LARGE1: variants seen among roughly 807,000 people sequenced by gnomAD.
LARGE1 encodes the protein LARGE xylosyl- and glucuronyltransferase 1, also known as xylosyl- and glucuronyltransferase LARGE1.
LARGE1 carries 43 observed loss-of-function variants against 87.6 expected under a neutral mutation model. The ratio of observed to expected loss-of-function variants is 0.49; its 90% CI spans 0.38 to 0.63. The LOEUF is 0.63. Among genes scored for constraint, LARGE1 ranks in the 30% least tolerant of loss-of-function variants. The pLI, the probability that LARGE1 is intolerant of heterozygous loss-of-function variation, is 0.00. For missense variants in LARGE1, 802 were observed against 1,000.2 expected (o/e 0.80, Z 2.67); for synonymous variants, 434 against 394.6 (o/e 1.10, Z -1.18).
intron 7 of LARGE1, among the ~76,000 whole-genome samples, chr22:33,387,138 A>G (rs188472101): frequency 1.8e-4 from 27 of 146,088 alleles, no homozygotes; most frequent in African/African-American, 5.6e-4. Flanking sequence ...AAACAAAAAA[A>G]GGGCGGGCAG....
intron 5 of LARGE1, among the ~76,000 whole-genome samples, chr22:33,600,200 T>C (rs764280605): frequency 1.3e-5 from 2 of 152,188 alleles, no homozygotes; most frequent in African/African-American, 2.4e-5. Context: ...TCTAAATTCA[T>C]TGTGTATCAG....
chr22:33,653,109 T>C (rs543997669), intron 2 of LARGE1, among the ~76,000 whole-genome samples: 37 of 152,282 alleles, frequency 2.4e-4, no homozygotes, highest in Non-Finnish European at 5.3e-4. Flanking sequence ...TCAACCAACA[T>C]CGACCCTTTG....
At chr22:33,302,727 C>T (rs893517439) in intron 12 of LARGE1, among the ~76,000 whole-genome samples, 13 of 152,082 alleles carry the variant, frequency 8.5e-5, no homozygotes, top group African/African-American at 1.9e-4. Flanking sequence ...GCCTGGTTTG[C>T]GACAAACAGA....
At chr22:33,202,877 A>G (rs1292160569) in intron 11 of LARGE1, among the ~76,000 whole-genome samples, 1 of 152,218 alleles carries the variant, frequency 6.6e-6, no homozygotes, top group Non-Finnish European at 1.5e-5. Flanking sequence ...AAAAGTTAGC[A>G]TGGATGGAAG....
At chr22:33,616,715 A>G (rs2079592876) in intron 4 of LARGE1, among the ~76,000 whole-genome samples, 1 of 152,204 alleles carries the variant, frequency 6.6e-6, no homozygotes, top group South Asian at 2.1e-4. Context: ...AGCCAGTCCA[A>G]AAGACTAAAT....
At chr22:33,569,047 C>T (rs561497345) in intron 5 of LARGE1, among the ~76,000 whole-genome samples, 18 of 152,130 alleles carry the variant, frequency 1.2e-4, no homozygotes, top group Non-Finnish European at 2.4e-4. Flanking sequence ...CGTTAAGATC[C>T]GAGGACTCAG....
chr22:33,832,581 G>A (rs565964478), intron 1 of LARGE1, among the ~76,000 whole-genome samples: 2 of 152,208 alleles, frequency 1.3e-5, no homozygotes, highest in Non-Finnish European at 2.9e-5. Flanking sequence ...TGGAAGTCAG[G>A]AAGGGTCGAT....
At chr22:33,355,538 A>C (rs1463324808) in intron 9 of LARGE1, among the ~76,000 whole-genome samples, 1 of 152,100 alleles carries the variant, frequency 6.6e-6, no homozygotes, top group Non-Finnish European at 1.5e-5. Context: ...GGAAAATTAA[A>C]CCTTTGTCTC....
intron 12 of LARGE1, among the ~76,000 whole-genome samples, chr22:33,301,445 C>T (rs1337453697): frequency 1.3e-5 from 2 of 152,082 alleles, no homozygotes; most frequent in Non-Finnish European, 2.9e-5. Flanking sequence ...TCCAAATCAT[C>T]ATCTAAAAAC....
intron 1 of LARGE1, among the ~76,000 whole-genome samples, chr22:33,837,052 T>A (rs1035952825): frequency 6.6e-6 from 1 of 152,164 alleles, no homozygotes; most frequent in Non-Finnish European, 1.5e-5. Context: ...GGGACCTCCA[T>A]GTGGGAGAGT....
At chr22:33,432,435 T>C (rs1231561875) in intron 6 of LARGE1, among the ~76,000 whole-genome samples, 170 bp from the exon 7 acceptor site, 2 of 152,206 alleles carry the variant, frequency 1.3e-5, no homozygotes, top group East Asian at 3.8e-4. Flanking sequence ...TGCATTAACA[T>C]ATTTAATTCT....
chr22:33,203,759 C>A (rs1924538430), intron 11 of LARGE1, among the ~76,000 whole-genome samples: 1 of 152,200 alleles, frequency 6.6e-6, no homozygotes, highest in Non-Finnish European at 1.5e-5. Flanking sequence ...TTCCCACAGA[C>A]TCTGCCTTGT....
chr22:33,853,478 T>G (rs920510624), intron 1 of LARGE1, among the ~76,000 whole-genome samples: 1 of 152,212 alleles, frequency 6.6e-6, no homozygotes, highest in Non-Finnish European at 1.5e-5. Flanking sequence ...TTTAAGTCCC[T>G]TGTTCAACAT....
chr22:33,902,510 C>G (rs994665157), intron 1 of LARGE1, among the ~76,000 whole-genome samples: 1 of 152,294 alleles, frequency 6.6e-6, no homozygotes, highest in Admixed American at 6.5e-5. Flanking sequence ...TATCCAACCC[C>G]AAGCATTTTT....
chr22:33,326,096 T>G (rs2146421076), intron 10 of LARGE1, among the ~76,000 whole-genome samples: 1 of 152,226 alleles, frequency 6.6e-6, no homozygotes, highest in African/African-American at 2.4e-5. Context: ...ACCCAAAGCA[T>G]TTTTTTACTA....
chr22:33,409,776 A>C, intron 7 of LARGE1, among the ~76,000 whole-genome samples: 1 of 150,496 alleles, frequency 6.6e-6, no homozygotes. Flanking sequence ...CAGGAGAATC[A>C]CTTGAACCTG....
intron 1 of LARGE1, among the ~76,000 whole-genome samples, chr22:33,880,747 T>A (rs1448767046): frequency 4.6e-5 from 7 of 152,086 alleles, no homozygotes; most frequent in East Asian, 3.9e-4. Flanking sequence ...GAAAAAAAAA[T>A]TCATATGGAT....
intron 11 of LARGE1, among the ~76,000 whole-genome samples, chr22:33,235,789 G>A (rs577647000): frequency 9.2e-5 from 14 of 152,124 alleles, no homozygotes; most frequent in Non-Finnish European, 1.3e-4. Flanking sequence ...TATTCTAGTG[G>A]TCAAAGCAAT....
intron 2 of LARGE1, among the ~76,000 whole-genome samples, chr22:33,699,163 C>G (rs1455468717): frequency 6.6e-6 from 1 of 152,190 alleles, no homozygotes; most frequent in East Asian, 1.9e-4. Flanking sequence ...GAGCATTTTA[C>G]AAGCTTTATT....
Sources: gnomAD v4.1 joint callset for allele counts (sites outside exome capture counted in the v4.1 genomes callset) on GRCh38, gnomAD v4.1.1 for gene constraint, MANE v1.5 for transcripts, NCBI Gene and HGNC (gene_info 2026-07-23, HGNC 2026-07-21) for gene names.